Variants in SLC24A2 observed in about 807,000 individuals in gnomAD.
SLC24A2 encodes the protein sodium/potassium/calcium exchanger 2.
In SLC24A2, 36 loss-of-function variants were observed where a neutral mutation model predicts 62.0. That is an observed-to-expected ratio of 0.58 (90% CI 0.44 to 0.77). The LOEUF is 0.77. SLC24A2 is among the 30% of genes least tolerant of loss of function. The probability of loss-of-function intolerance (pLI) is 0.00; values close to 1 mark genes in which losing one functional copy is unlikely to be tolerated. For synonymous variants in SLC24A2, 358 were observed against 294.0 expected (o/e 1.22, Z -2.23); for missense variants, 846 against 817.9 (o/e 1.03, Z -0.42).
chr9:20,116,057 C>G, the SLC24A2 span, among the ~76,000 whole-genome samples: 2 of 152,196 alleles, frequency 1.3e-5, no homozygotes, highest in East Asian at 1.9e-4. Context: ...AGAAGCCACA[C>G]AGGACAGGGC....
At chr9:20,268,217 T>C in the SLC24A2 span, among the ~76,000 whole-genome samples, 11 of 152,048 alleles carry the variant, frequency 7.2e-5, no homozygotes, top group Non-Finnish European at 1.2e-4. Context: ...AAACTGACAA[T>C]AGGGAGGAGC....
the SLC24A2 span, among the ~76,000 whole-genome samples, chr9:20,062,083 C>A: frequency 2.0e-5 from 3 of 151,984 alleles, no homozygotes; most frequent in African/African-American, 4.8e-5. Context: ...AAAGAAAATA[C>A]CCAGGCGTGG....
chr9:20,078,724 C>G, the SLC24A2 span, among the ~76,000 whole-genome samples: 20 of 152,244 alleles, frequency 1.3e-4, no homozygotes, highest in Non-Finnish European at 2.5e-4. Context: ...CTTTCAGAGC[C>G]CCCTCTCCAG....
chr9:19,755,264 C>T (rs1419990940), intron 2 of SLC24A2, among the ~76,000 whole-genome samples: 1 of 152,102 alleles, frequency 6.6e-6, no homozygotes, highest in African/African-American at 2.4e-5. Flanking sequence ...GAATTCAATA[C>T]ATGTTAGTTT....
At chr9:20,105,958 A>C in the SLC24A2 span, among the ~76,000 whole-genome samples, 2 of 152,230 alleles carry the variant, frequency 1.3e-5, no homozygotes, top group Admixed American at 6.5e-5. Flanking sequence ...TGGCAAGACT[A>C]ATAAAGAAGA....
the SLC24A2 span, among the ~76,000 whole-genome samples, chr9:20,013,044 GA>G: frequency 4.1e-4 from 62 of 151,922 alleles, no homozygotes; most frequent in Admixed American, 6.6e-5. Context: ...CACAGAAATG[GA>G]AAAAACAATT....
the SLC24A2 span, among the ~76,000 whole-genome samples, chr9:20,281,122 G>C: frequency 6.6e-6 from 1 of 151,888 alleles, no homozygotes; most frequent in Non-Finnish European, 1.5e-5. Flanking sequence ...TTGAGACAGG[G>C]TTTCACCATC....
the SLC24A2 span, among the ~76,000 whole-genome samples, chr9:20,043,332 A>G: frequency 6.6e-6 from 1 of 152,236 alleles, no homozygotes; most frequent in East Asian, 1.9e-4. Context: ...TGCTAACACA[A>G]CACCCATTCT....
At chr9:19,961,163 GAGAA>G in the SLC24A2 span, among the ~76,000 whole-genome samples, 14 of 146,662 alleles carry the variant, frequency 9.5e-5, no homozygotes, top group African/African-American at 3.4e-4. Flanking sequence ...GAGAGAGAGA[GAGAA>G]ATAATACATA....
intron 2 of SLC24A2, among the ~76,000 whole-genome samples, chr9:19,743,855 G>A (rs1413503400): frequency 2.0e-5 from 3 of 152,100 alleles, no homozygotes; most frequent in African/African-American, 7.2e-5. Flanking sequence ...AAATGGACGG[G>A]TACCTGGTTT....
the SLC24A2 span, among the ~76,000 whole-genome samples, chr9:20,009,194 T>A: frequency 6.6e-6 from 1 of 151,960 alleles, no homozygotes; most frequent in Non-Finnish European, 1.5e-5. Flanking sequence ...TCCAGTCTCA[T>A]CCTATGGGAA....
intron 2 of SLC24A2, among the ~76,000 whole-genome samples, chr9:19,755,050 A>G (rs1178840453): frequency 6.6e-6 from 1 of 152,182 alleles, no homozygotes. Flanking sequence ...AGACTGAAAG[A>G]TGAAAGGCAG....
chr9:20,010,933 A>G, the SLC24A2 span, among the ~76,000 whole-genome samples: 1 of 152,132 alleles, frequency 6.6e-6, no homozygotes, highest in African/African-American at 2.4e-5. Flanking sequence ...TACAAAGGAC[A>G]AGAACTCATC....
the SLC24A2 span, among the ~76,000 whole-genome samples, chr9:19,987,444 G>A: frequency 6.6e-6 from 1 of 152,074 alleles, no homozygotes; most frequent in South Asian, 2.1e-4. Flanking sequence ...TGATTAGTGA[G>A]GATTGAGTAT....
intron 5 of SLC24A2, among the ~76,000 whole-genome samples, chr9:19,592,700 T>A (rs1329619069): frequency 6.6e-6 from 1 of 152,228 alleles, no homozygotes; most frequent in Non-Finnish European, 1.5e-5. Flanking sequence ...GCATTCTATA[T>A]TATTATTCAG....
chr9:20,210,091 C>T, the SLC24A2 span, among the ~76,000 whole-genome samples: 2 of 152,108 alleles, frequency 1.3e-5, no homozygotes, highest in Non-Finnish European at 2.9e-5. Context: ...CTGAATTCCA[C>T]GAACCAAGTT....
At chr9:19,775,721 C>T (rs1822826948) in intron 2 of SLC24A2, among the ~76,000 whole-genome samples, 1 of 152,160 alleles carries the variant, frequency 6.6e-6, no homozygotes, top group African/African-American at 2.4e-5. Context: ...CAAAAGACAC[C>T]TTTGCGGAAT....
intron 6 of SLC24A2, 37 bp from the exon 7 acceptor site, chr9:19,573,506 ACACACACAC>A (rs1835908424): frequency 3.0e-5 from 1 of 32,990 alleles, no homozygotes. Context: ...ACACACACAC[ACACACACAC>A]ACACACACAC....
the SLC24A2 span, among the ~76,000 whole-genome samples, chr9:19,994,909 G>A: frequency 2.6e-5 from 4 of 152,304 alleles, no homozygotes; most frequent in South Asian, 6.2e-4. Flanking sequence ...TGGGATTTGA[G>A]AAGTCTGTTT....
Sources: allele counts gnomAD v4.1 joint callset (sites outside exome capture counted in the v4.1 genomes callset), GRCh38; gene constraint gnomAD v4.1.1; transcripts MANE v1.5; gene names NCBI Gene and HGNC (gene_info 2026-07-23, HGNC 2026-07-21).